Variants in OR1J2 observed in about 807,000 individuals in gnomAD.
The protein encoded by OR1J2 is olfactory receptor 1J2.
For synonymous variants in OR1J2, 142 were observed against 99.7 expected, an observed-to-expected ratio of 1.42 and a Z score of -2.52; for missense variants, 304 against 246.1, an observed-to-expected ratio of 1.24 and a Z score of -1.57.
the OR1J2 span, among the ~76,000 whole-genome samples, chr9:122,574,827 T>A: frequency 6.6e-6 from 1 of 152,056 alleles, no homozygotes; most frequent in Admixed American, 6.6e-5. Context: ...TTGTAGGATT[T>A]TTTTGGGGGT....
chr9:122,472,862 A>G, the OR1J2 span, among the ~76,000 whole-genome samples: 1 of 152,220 alleles, frequency 6.6e-6, no homozygotes, highest in Non-Finnish European at 1.5e-5. Context: ...TCTTGGATAT[A>G]TGTATCTTAT....
the OR1J2 span, among the ~76,000 whole-genome samples, chr9:122,573,676 T>A: frequency 6.6e-6 from 1 of 152,256 alleles, no homozygotes; most frequent in African/African-American, 2.4e-5. Context: ...GCAAATATTT[T>A]CTCCCAGTAT....
At chr9:122,539,406 T>C in the OR1J2 span, among the ~76,000 whole-genome samples, 2 of 152,144 alleles carry the variant, frequency 1.3e-5, no homozygotes, top group African/African-American at 2.4e-5. Flanking sequence ...AGAATGATGG[T>C]TTCCAGCTTC....
chr9:122,527,155 T>C, the OR1J2 span: 42 of 1,613,948 alleles, frequency 2.6e-5, 1 homozygote, highest in Admixed American at 7.0e-4. Flanking sequence ...TCAGAGCCAA[T>C]GGCCAGGATG....
chr9:122,495,983 A>T, the OR1J2 span, among the ~76,000 whole-genome samples: 3 of 152,152 alleles, frequency 2.0e-5, no homozygotes. Flanking sequence ...CAGTGGAGCT[A>T]CCAGGCCCTG....
the OR1J2 span, among the ~76,000 whole-genome samples, chr9:122,520,268 A>G: frequency 3.9e-5 from 6 of 152,114 alleles, no homozygotes; most frequent in African/African-American, 1.4e-4. Context: ...ATAATTGTTT[A>G]TTTATCTTGC....
the OR1J2 span, chr9:122,567,409 T>C: frequency 1.7e-6 from 1 of 602,640 alleles, no homozygotes; most frequent in East Asian, 2.8e-5. Context: ...CATCAATGGA[T>C]GTAAGTGCCC....
chr9:122,557,434 G>A, the OR1J2 span, among the ~76,000 whole-genome samples: 3 of 151,940 alleles, frequency 2.0e-5, no homozygotes, highest in Admixed American at 6.6e-5. Context: ...TTGGATTTTT[G>A]TGAAGTGCTT....
the OR1J2 span, chr9:122,477,467 C>T: frequency 6.2e-7 from 1 of 1,613,836 alleles, no homozygotes; most frequent in African/African-American, 1.3e-5. Flanking sequence ...AGAGCACACG[C>T]ACAAGCGATG....
the OR1J2 span, among the ~76,000 whole-genome samples, chr9:122,458,013 A>AT: frequency 6.6e-6 from 1 of 151,944 alleles, no homozygotes; most frequent in African/African-American, 2.4e-5. Context: ...TGTGTTTAAT[A>AT]TTTTTGTTTT....
chr9:122,480,555 CTT>C, the OR1J2 span, among the ~76,000 whole-genome samples: 32 of 144,412 alleles, frequency 2.2e-4, no homozygotes, highest in African/African-American at 2.8e-4. Flanking sequence ...CCAGGTATTT[CTT>C]TTTTTTTTTT....
chr9:122,500,492 A>G, the OR1J2 span, among the ~76,000 whole-genome samples: 1 of 152,104 alleles, frequency 6.6e-6, no homozygotes. Flanking sequence ...CACAGAGTTG[A>G]TCTCTATGTA....
At chr9:122,494,959 A>T in the OR1J2 span, among the ~76,000 whole-genome samples, 1 of 152,208 alleles carries the variant, frequency 6.6e-6, no homozygotes, top group African/African-American at 2.4e-5. Flanking sequence ...GTTTTGCTGG[A>T]TACAAAATTC....
chr9:122,527,233 G>T, the OR1J2 span: 3 of 1,613,688 alleles, frequency 1.9e-6, no homozygotes, highest in Non-Finnish European at 2.5e-6. Flanking sequence ...GACTGCTGTT[G>T]CTCTGGAGGC....
chr9:122,535,144 C>A, the OR1J2 span, among the ~76,000 whole-genome samples: 1 of 151,634 alleles, frequency 6.6e-6, no homozygotes, highest in South Asian at 2.1e-4. Flanking sequence ...ATGGGGGGTT[C>A]TTGCCCTCCA....
the OR1J2 span, among the ~76,000 whole-genome samples, chr9:122,545,748 A>G: frequency 2.0e-5 from 3 of 152,172 alleles, no homozygotes; most frequent in African/African-American, 4.8e-5. Context: ...TTCTACTTCT[A>G]TATTCAACCA....
At chr9:122,514,312 G>T (rs189598525), downstream of OR1J2, among the ~76,000 whole-genome samples, 1 of 152,000 alleles carries the variant, frequency 6.6e-6, no homozygotes, top group Non-Finnish European at 1.5e-5. Context: ...AGTGTCTATT[G>T]CTCCCATCTT....
the OR1J2 span, among the ~76,000 whole-genome samples, chr9:122,571,408 G>C: frequency 6.6e-6 from 1 of 152,076 alleles, no homozygotes; most frequent in Non-Finnish European, 1.5e-5. Context: ...AAATTAGCCA[G>C]GCATGGTGGC....
the OR1J2 span, among the ~76,000 whole-genome samples, chr9:122,573,614 T>TA: frequency 6.6e-6 from 1 of 152,234 alleles, no homozygotes; most frequent in African/African-American, 2.4e-5. Flanking sequence ...TGTTGAGTTT[T>TA]AAGAGTTATT....
Sources: allele counts gnomAD v4.1 joint callset (sites outside exome capture counted in the v4.1 genomes callset), GRCh38; gene constraint gnomAD v4.1.1; transcripts MANE v1.5; gene names NCBI Gene and HGNC (gene_info 2026-07-23, HGNC 2026-07-21).